BBS9: variants seen among roughly 807,000 people sequenced by gnomAD.
BBS9 encodes protein PTHB1.
In BBS9, 89 loss-of-function variants were observed where a neutral mutation model predicts 117.7. The observed-to-expected ratio is 0.76, with a 90% CI of 0.64 to 0.90. The LOEUF is 0.90. Among genes scored for constraint, BBS9 ranks in the 40% least tolerant of loss-of-function variants. BBS9 has a pLI of 0.00. For missense variants in BBS9, 982 were observed against 1,042.2 expected (o/e 0.94, Z 0.80); for synonymous variants, 379 against 370.9 (o/e 1.02, Z -0.25).
chr7:33,481,725 G>A (rs1842533506), intron 19 of BBS9, among the ~76,000 whole-genome samples: 1 of 152,096 alleles, frequency 6.6e-6, no homozygotes, highest in Non-Finnish European at 1.5e-5. Context: ...AAATTTAGCT[G>A]AAGTCTGTTT....
chr7:33,275,068 T>C (rs1027353186), intron 9 of BBS9, among the ~76,000 whole-genome samples: 1 of 151,008 alleles, frequency 6.6e-6, no homozygotes, highest in African/African-American at 2.4e-5. Flanking sequence ...CAGGATGGAG[T>C]TGTTTTCTCC....
At chr7:33,450,957 C>G (rs960566416) in intron 19 of BBS9, among the ~76,000 whole-genome samples, 4 of 151,328 alleles carry the variant, frequency 2.6e-5, no homozygotes, top group Non-Finnish European at 5.9e-5. Flanking sequence ...GGCGCGATCT[C>G]GGCTCACTGC....
At chr7:33,161,815 A>G (rs1006861792) in intron 4 of BBS9, among the ~76,000 whole-genome samples, 3 of 152,166 alleles carry the variant, frequency 2.0e-5, no homozygotes, top group Non-Finnish European at 1.5e-5. Flanking sequence ...TTGCCATTCT[A>G]ACTGATGTGA....
chr7:33,181,437 C>T (rs1347958638), intron 5 of BBS9, among the ~76,000 whole-genome samples: 5 of 152,134 alleles, frequency 3.3e-5, no homozygotes, highest in Admixed American at 6.5e-5. Context: ...AAATGCTGTT[C>T]GAGACAGAAA....
intron 6 of BBS9, among the ~76,000 whole-genome samples, chr7:33,262,171 A>G (rs1257173659): frequency 6.6e-6 from 1 of 152,182 alleles, no homozygotes; most frequent in African/African-American, 2.4e-5. Flanking sequence ...AGGAAGAGAA[A>G]TGGTTTGGAT....
chr7:33,280,907 TTTTG>T (rs770063138), intron 9 of BBS9, among the ~76,000 whole-genome samples: 4 of 107,136 alleles, frequency 3.7e-5, no homozygotes, highest in African/African-American at 1.3e-4. Context: ...AATTTGTCGT[TTTTG>T]TTTTTTTTTT....
intron 19 of BBS9, among the ~76,000 whole-genome samples, chr7:33,459,540 C>T (rs887275662): frequency 1.1e-4 from 17 of 152,060 alleles, no homozygotes; most frequent in Admixed American, 3.9e-4. Flanking sequence ...AGAAGTGGCC[C>T]GTCTCTACAA....
At chr7:33,313,150 G>A (rs1290209004) in intron 9 of BBS9, among the ~76,000 whole-genome samples, 2 of 150,666 alleles carry the variant, frequency 1.3e-5, no homozygotes, top group Non-Finnish European at 3.0e-5. Context: ...TTGAATTCTT[G>A]CTTAGGTCAT....
At chr7:33,626,333 C>A (rs1202169612) in intron 21 of BBS9, among the ~76,000 whole-genome samples, 1 of 152,174 alleles carries the variant, frequency 6.6e-6, no homozygotes, top group Non-Finnish European at 1.5e-5. Context: ...ATAAATTATC[C>A]AGTCTCATGT....
At chr7:33,536,674 T>TTGGCCTTCCCCC (rs1851421014) in intron 21 of BBS9, among the ~76,000 whole-genome samples, 2 of 1,656 alleles carry the variant, frequency 1.2e-3, no homozygotes, top group South Asian at 0.013. Flanking sequence ...GTTCTGTGAT[T>TTGGCCTTCCCCC]CGGCCTTCCC....
intron 21 of BBS9, among the ~76,000 whole-genome samples, chr7:33,573,001 C>A (rs1011748923): frequency 6.6e-6 from 1 of 152,016 alleles, no homozygotes; most frequent in Non-Finnish European, 1.5e-5. Flanking sequence ...CTCCTTCCCT[C>A]TCACCCCTCC....
At chr7:33,420,008 AG>A (rs1429067485) in intron 19 of BBS9, among the ~76,000 whole-genome samples, 1 of 152,158 alleles carries the variant, frequency 6.6e-6, no homozygotes, top group Non-Finnish European at 1.5e-5. Flanking sequence ...AATTAGGTTC[AG>A]TTACCTCATT....
chr7:33,393,981 T>A (rs1345114598), intron 19 of BBS9, among the ~76,000 whole-genome samples: 1 of 152,192 alleles, frequency 6.6e-6, no homozygotes, highest in Non-Finnish European at 1.5e-5. Context: ...CCCCATCTTA[T>A]TTTTGCTAGC....
At chr7:33,583,569 C>T (rs575206783) in intron 21 of BBS9, among the ~76,000 whole-genome samples, 1 of 152,056 alleles carries the variant, frequency 6.6e-6, no homozygotes, top group East Asian at 1.9e-4. Flanking sequence ...AGATAAAATC[C>T]TCAGCATAGG....
intron 5 of BBS9, among the ~76,000 whole-genome samples, chr7:33,248,554 A>G (rs548799166): frequency 6.6e-6 from 1 of 152,290 alleles, no homozygotes; most frequent in East Asian, 1.9e-4. Flanking sequence ...TTAATGGCAA[A>G]TTTACAATCC....
chr7:33,596,648 C>A (rs1862864518), intron 21 of BBS9, among the ~76,000 whole-genome samples: 1 of 152,072 alleles, frequency 6.6e-6, no homozygotes, highest in Admixed American at 6.6e-5. Flanking sequence ...CGCTATACCT[C>A]CTATTCTGGT....
rs145485929 is a variant in BBS9, at chr7:33,188,080, A to ATGTGTGTGTGTGTGTGTGTGTG, written c.442+10500_442+10521dup. 4.7e-3 allele frequency among the ~76,000 whole-genome samples: 347 copies of ATGTGTGTGTGTGTGTGTGTGTG among 73,068 alleles called. 12 individuals carry two copies. The highest frequency in any genetic ancestry group is 4.9e-3 in the Non-Finnish European group (190 of 38,536). 47.9% of individuals were successfully genotyped at this position (73,068 alleles called of 152,430 possible). On this transcript the variant is annotated intron_variant, in intron 5 of 22. Transcript: ENST00000242067. ...AGAGCAGCTCCCTGTAGTTGAGTGA[A>ATGTGTGTGTGTGTGTGTGTGTG]TGTGTGTGTGTGTGTGTGTGTGTGT...
chr7:33,513,137 C>G (rs190414162), intron 20 of BBS9, among the ~76,000 whole-genome samples: 8 of 152,176 alleles, frequency 5.3e-5, no homozygotes, highest in East Asian at 1.9e-4. Flanking sequence ...CCGGCTACCC[C>G]CTTCATTCTG....
intron 6 of BBS9, among the ~76,000 whole-genome samples, chr7:33,263,575 A>C (rs888140474): frequency 6.6e-6 from 1 of 152,182 alleles, no homozygotes; most frequent in Non-Finnish European, 1.5e-5. Context: ...CTATTGAAAT[A>C]GAAGCTGTAA....
Sources: allele counts gnomAD v4.1 joint callset (sites outside exome capture counted in the v4.1 genomes callset), GRCh38; gene constraint gnomAD v4.1.1; transcripts MANE v1.5; gene names NCBI Gene and HGNC (gene_info 2026-07-23, HGNC 2026-07-21).